Variants in NARS2 observed in about 807,000 individuals in gnomAD.
NARS2 encodes the protein asparaginyl-tRNA synthetase.
NARS2 carries 60 observed loss-of-function variants against 62.9 expected under a neutral mutation model. The observed-to-expected ratio is 0.95, with a 90% CI of 0.77 to 1.18. The LOEUF is 1.18. Among genes scored for constraint, NARS2 ranks in the 50% most tolerant of loss-of-function variants. The pLI is 0.00. For missense variants in NARS2, 619 were observed against 576.4 expected, an observed-to-expected ratio of 1.07 and a Z score of -0.76; for synonymous variants, 196 against 200.0, an observed-to-expected ratio of 0.98 and a Z score of 0.17.
Position 78,574,829 on chromosome 11 carries a change from C to G in NARS2, c.-341G>C, listed in dbSNP as rs1427606829. 1 of 287,194 alleles carries G rather than the reference C, an allele frequency of 3.5e-6. No homozygotes were observed. Among genetic ancestry groups the G allele is most frequent in the Admixed American group, 4.8e-5 (1 of 20,672 alleles). 17.8% of individuals were successfully genotyped at this position (287,194 alleles called of 1,614,324 possible). A position where few individuals can be genotyped will look rare whatever the true frequency, so the allele number is the denominator to read the frequency against. On this transcript the variant is annotated 5_prime_UTR_variant, in exon 1 of 14. Coordinates refer to ENST00000281038, the MANE Select transcript of NARS2 (RefSeq NM_024678.6). ...CCGCAACACGCGCAACCACTCCTAC[C>G]ACACCACGCCAACGCCGCTTACGTC...
At chr11:78,569,422 T>C (rs1018655148) in intron 2 of NARS2, among the ~76,000 whole-genome samples, 9 of 152,360 alleles carry the variant, frequency 5.9e-5, no homozygotes, top group African/African-American at 2.2e-4. Context: ...CCCAAAGTGC[T>C]GGGATTAGAG....
At chr11:78,542,192 A>C (rs1855645761) in intron 5 of NARS2, among the ~76,000 whole-genome samples, 1 of 152,238 alleles carries the variant, frequency 6.6e-6, no homozygotes, top group Admixed American at 6.5e-5. Flanking sequence ...GATCAGCAGG[A>C]AAGGAAGTTA....
At chr11:78,445,028 T>C (rs1857709724) in intron 11 of NARS2, among the ~76,000 whole-genome samples, 1 of 152,158 alleles carries the variant, frequency 6.6e-6, no homozygotes, top group Non-Finnish European at 1.5e-5. Flanking sequence ...AAAGTTCAAA[T>C]GTACATCAAC....
At chr11:78,571,267 TAGGGA>T in intron 2 of NARS2, 63 bp downstream of exon 2, 10 of 924,398 alleles carry the variant, frequency 1.1e-5, no homozygotes, top group Admixed American at 1.9e-5. Context: ...AACACTGGAG[TAGGGA>T]AGTGAGAAGC....
At chr11:78,540,923 C>T (rs1414288546) in intron 5 of NARS2, among the ~76,000 whole-genome samples, 1 of 145,166 alleles carries the variant, frequency 6.9e-6, no homozygotes, top group Non-Finnish European at 1.5e-5. Context: ...CTTTGGGAGG[C>T]CAAGGTAGGC....
At chr11:78,541,853 C>A (rs1855632766) in intron 5 of NARS2, among the ~76,000 whole-genome samples, 3 of 152,204 alleles carry the variant, frequency 2.0e-5, no homozygotes, top group Non-Finnish European at 4.4e-5. Flanking sequence ...AATTGTTCTG[C>A]ATGCCATTAG....
chr11:78,458,084 T>C (rs1163116724), intron 11 of NARS2, among the ~76,000 whole-genome samples: 1 of 152,118 alleles, frequency 6.6e-6, no homozygotes, highest in Non-Finnish European at 1.5e-5. Context: ...TTAACTACAA[T>C]TTATTGTATA....
At chr11:78,503,552 T>C (rs568557732) in intron 6 of NARS2, among the ~76,000 whole-genome samples, 71 of 152,348 alleles carry the variant, frequency 4.7e-4, no homozygotes, top group African/African-American at 1.6e-3. Context: ...CTAGCTCTTC[T>C]AATTACCACT....
At chr11:78,529,709 A>G (rs548479004) in intron 5 of NARS2, among the ~76,000 whole-genome samples, 2 of 152,306 alleles carry the variant, frequency 1.3e-5, no homozygotes, top group South Asian at 4.2e-4. Context: ...TTGTTGATTT[A>G]AACACAGGGT....
intron 5 of NARS2, among the ~76,000 whole-genome samples, chr11:78,538,892 G>A (rs902361912): frequency 6.7e-6 from 1 of 149,462 alleles, no homozygotes; most frequent in Admixed American, 6.7e-5. Context: ...CTACTCGGGA[G>A]GCTGAGGCAG....
intron 11 of NARS2, among the ~76,000 whole-genome samples, chr11:78,461,783 CAAA>C: frequency 1.1e-5 from 1 of 93,108 alleles, no homozygotes. Context: ...GTACCCACTA[CAAA>C]AAAAAAAAAA....
At chr11:78,513,621 T>C (rs1039144847) in intron 6 of NARS2, among the ~76,000 whole-genome samples, 2 of 151,968 alleles carry the variant, frequency 1.3e-5, no homozygotes, top group Admixed American at 6.6e-5. Flanking sequence ...CTACTAAATA[T>C]ACAAAAATTA....
intron 6 of NARS2, among the ~76,000 whole-genome samples, chr11:78,507,029 A>C (rs1406594646): frequency 6.6e-6 from 1 of 152,032 alleles, no homozygotes; most frequent in Non-Finnish European, 1.5e-5. Context: ...ACACAGCTTG[A>C]GGGAGCTGAG....
At chr11:78,571,577 C>T in intron 1 of NARS2, 133 bp from the exon 2 acceptor site, 2 of 612,652 alleles carry the variant, frequency 3.3e-6, no homozygotes, top group Non-Finnish European at 5.9e-6. Flanking sequence ...TTTTAGTTCA[C>T]CAATATGCAT....
chr11:78,478,662 C>A lies in NARS2; in HGVS notation c.844G>T (p.Ala282Ser), dbSNP rs146900529. Residue 282 changes from alanine (A) to serine (S), a missense_variant, in exon 8 of 14, where the codon GCT becomes TCT. By Grantham distance (99) the Ala-to-Ser change is moderately conservative. Coordinates refer to ENST00000281038, the MANE Select transcript of NARS2 (RefSeq NM_024678.6). ...LMQVIEELFK[A>S]TTMMVLSKCP... The stretch of plus-strand genomic sequence containing the variant: ...TTTGAGAGAACCATCATTGTTGTAG[C>A]CTTGAACAGTTCCTCTATAACCTAA... The A allele has an allele frequency of 6.2e-7, 1 of 1,609,956 alleles. No individual in the cohort carries two copies. The highest frequency in any genetic ancestry group is 1.3e-5 in the African/African-American group (1 of 74,844).
At chr11:78,500,008 T>G (rs1169260667) in intron 6 of NARS2, among the ~76,000 whole-genome samples, 1 of 152,224 alleles carries the variant, frequency 6.6e-6, no homozygotes, top group African/African-American at 2.4e-5. Context: ...GAGAACAACA[T>G]GTAAGTACTT....
chr11:78,495,924 T>C (rs1253369929), intron 6 of NARS2, among the ~76,000 whole-genome samples: 3 of 152,222 alleles, frequency 2.0e-5, no homozygotes, highest in African/African-American at 7.2e-5. Flanking sequence ...TGCTCCAAGA[T>C]GAGCAGCAAT....
intron 6 of NARS2, among the ~76,000 whole-genome samples, chr11:78,509,820 C>A (rs1860646991): frequency 1.0e-5 from 1 of 97,828 alleles, no homozygotes; most frequent in Admixed American, 1.3e-4. Context: ...GAGTGAGACT[C>A]TGTCTCAAAA....
chr11:78,506,272 A>G (rs1256919052), intron 6 of NARS2, among the ~76,000 whole-genome samples: 2 of 152,242 alleles, frequency 1.3e-5, no homozygotes, highest in East Asian at 3.8e-4. Flanking sequence ...CAATTACTTC[A>G]GCAAATTACT....
Sources: gnomAD v4.1 joint callset for allele counts (sites outside exome capture counted in the v4.1 genomes callset) on GRCh38, gnomAD v4.1.1 for gene constraint, MANE v1.5 for transcripts, NCBI Gene and HGNC (gene_info 2026-07-23, HGNC 2026-07-21) for gene names.